The following KCTD1 variants were observed in gnomAD, a reference collection of about 807,000 sequenced individuals.
The protein encoded by KCTD1 is BTB/POZ domain-containing protein KCTD1.
KCTD1 carries 24 observed loss-of-function variants against 66.0 expected under a neutral mutation model. The ratio of observed to expected loss-of-function variants is 0.36; its 90% confidence interval spans 0.26 to 0.51. The LOEUF (loss-of-function observed/expected upper bound fraction) is 0.51, where lower values mean the gene tolerates loss of function less well. KCTD1 is among the 20% of genes least tolerant of loss of function. The pLI is 0.95. For synonymous variants in KCTD1, 511 were observed against 517.2 expected, an observed-to-expected ratio of 0.99 and a Z score of 0.16; for missense variants, 943 against 1,205.2, an observed-to-expected ratio of 0.78 and a Z score of 3.22.
intron 1 of KCTD1, among the ~76,000 whole-genome samples, chr18:26,614,320 C>G (rs1283364974): frequency 6.6e-6 from 1 of 152,224 alleles, no homozygotes; most frequent in East Asian, 1.9e-4. Context: ...TGTGAATCAC[C>G]CCAGCCCCGA....
At chr18:26,594,409 G>T (rs1986720217) in intron 1 of KCTD1, among the ~76,000 whole-genome samples, 2 of 152,308 alleles carry the variant, frequency 1.3e-5, no homozygotes. Flanking sequence ...AGTGATTTTT[G>T]TTGGGTCTCC....
At chr18:26,470,005 T>C (rs551205306) in intron 3 of KCTD1, among the ~76,000 whole-genome samples, 1 of 152,134 alleles carries the variant, frequency 6.6e-6, no homozygotes, top group Non-Finnish European at 1.5e-5. Flanking sequence ...TGAAGATATA[T>C]ACACAAAATA....
intron 1 of KCTD1, among the ~76,000 whole-genome samples, chr18:26,606,506 T>C (rs140815679): frequency 6.6e-6 from 1 of 152,246 alleles, no homozygotes; most frequent in Non-Finnish European, 1.5e-5. Context: ...GCTGGGGCAA[T>C]GGAATGTGTG....
At chr18:26,629,481 C>A (rs1987571373), upstream of KCTD1, among the ~76,000 whole-genome samples, 1 of 152,152 alleles carries the variant, frequency 6.6e-6, no homozygotes, top group African/African-American at 2.4e-5. Context: ...GATAAACATG[C>A]AGGTAAATGT....
intron 1 of KCTD1, among the ~76,000 whole-genome samples, chr18:26,514,507 G>A (rs1983534609): frequency 6.8e-6 from 1 of 146,888 alleles, no homozygotes; most frequent in East Asian, 2.0e-4. Context: ...CTATGATCAT[G>A]CCACTGCATC....
intron 1 of KCTD1, among the ~76,000 whole-genome samples, chr18:26,601,353 A>C (rs1468014141): frequency 6.6e-6 from 1 of 151,418 alleles, no homozygotes; most frequent in African/African-American, 2.4e-5. Flanking sequence ...AAAAAAAGAA[A>C]GAAATTCAAT....
chr18:26,565,838 A>G (rs1485730693), intron 1 of KCTD1: 1 of 152,132 alleles, frequency 6.6e-6, no homozygotes. Context: ...ATAGAGCTGT[A>G]CTAAGTATAC....
upstream of KCTD1, chr18:26,548,959 C>G (rs964078764): frequency 1.4e-5 from 14 of 986,002 alleles, no homozygotes; most frequent in Non-Finnish European, 1.6e-5. Flanking sequence ...GGGACGGTCT[C>G]GTTTCTCTAA....
At chr18:26,591,989 G>A (rs76898895) in intron 1 of KCTD1, among the ~76,000 whole-genome samples, 2,921 of 152,222 alleles carry the variant, frequency 0.019, 109 homozygotes, top group African/African-American at 0.067. Flanking sequence ...TAACATTAGA[G>A]CATAAATCAT....
intron 1 of KCTD1, chr18:26,600,353 A>T: frequency 7.3e-7 from 1 of 1,362,684 alleles, no homozygotes; most frequent in Non-Finnish European, 1.0e-6. Context: ...GAAGGGCCTG[A>T]CATGGGACCC....
At chr18:26,564,019 CT>C (rs35602601) in intron 1 of KCTD1, among the ~76,000 whole-genome samples, 11,855 of 142,738 alleles carry the variant, frequency 0.083, 643 homozygotes, top group African/African-American at 0.17. Flanking sequence ...AAGAGAGGGG[CT>C]TTTTTTTTTT....
In KCTD1 at chr18:26,547,424, G is replaced by T; in HGVS notation, c.1113C>A (p.Asp371Glu). ...SWSKKRAESS[D>E]EENLPRMYET... ...CATACATGCGGGGCAAGTTCTCCTC[G>T]TCGCTGCTCTCGGCGCGCTTCTTGC... Residue 371 changes from aspartate to glutamate, a missense_variant, in exon 1 of 5, where the codon GAC becomes GAA. By Grantham distance (45) the Asp-to-Glu change is conservative. Transcript: ENST00000580059. 1 of 1,551,318 alleles carries T rather than the reference G, an allele frequency of 6.4e-7. No homozygotes were observed. Among genetic ancestry groups the T allele is most frequent in the South Asian group, 1.2e-5 (1 of 84,060 alleles).
chr18:26,542,698 A>G (rs555587696), intron 1 of KCTD1, among the ~76,000 whole-genome samples: 2 of 152,284 alleles, frequency 1.3e-5, no homozygotes, highest in South Asian at 4.1e-4. Context: ...TTTTGGTGAC[A>G]TTTGCTTGGG....
upstream of KCTD1, among the ~76,000 whole-genome samples, chr18:26,550,396 G>A (rs953830344): frequency 2.6e-5 from 4 of 152,126 alleles, no homozygotes; most frequent in African/African-American, 9.7e-5. This position sits in a 1 kb window ranked among gnomAD's most constrained non-coding sequence, Gnocchi z 5.4. Context: ...TTCTGAGTGG[G>A]AGTTGACGAT....
intron 1 of KCTD1, among the ~76,000 whole-genome samples, chr18:26,623,915 G>A (rs563457985): frequency 6.6e-6 from 1 of 152,290 alleles, no homozygotes; most frequent in South Asian, 2.1e-4. Flanking sequence ...CTAGAGACAT[G>A]GTGAATGGCT....
chr18:26,515,171 T>C (rs1157725714), intron 1 of KCTD1, among the ~76,000 whole-genome samples: 1 of 152,222 alleles, frequency 6.6e-6, no homozygotes, highest in Non-Finnish European at 1.5e-5. Context: ...GGAAATGCAT[T>C]AGAAAACCAT....
chr18:26,622,208 C>T, intron 1 of KCTD1, among the ~76,000 whole-genome samples: 1 of 152,056 alleles, frequency 6.6e-6, no homozygotes, highest in Non-Finnish European at 1.5e-5. Context: ...GTGAGGAGGG[C>T]TAAGAAGAAC....
At chr18:26,590,288 C>T (rs953623559) in intron 1 of KCTD1, among the ~76,000 whole-genome samples, 12 of 151,820 alleles carry the variant, frequency 7.9e-5, no homozygotes, top group South Asian at 4.2e-4. Context: ...GGGGTTTCAC[C>T]GTGTTGGCCA....
intron 1 of KCTD1, among the ~76,000 whole-genome samples, chr18:26,565,158 G>A (rs140322832): frequency 1.2e-4 from 18 of 152,314 alleles, no homozygotes; most frequent in Admixed American, 9.8e-4. Flanking sequence ...CAGGATGAGA[G>A]TGCTAAGGTG....
Sources: gnomAD v4.1 joint callset for allele counts (sites outside exome capture counted in the v4.1 genomes callset) on GRCh38, gnomAD v4.1.1 for gene constraint, Gnocchi (gnomAD v3.1) non-coding constraint, MANE v1.5 for transcripts, NCBI Gene and HGNC (gene_info 2026-07-23, HGNC 2026-07-21) for gene names.